CSTPP1: variants seen among roughly 807,000 people sequenced by gnomAD.
CSTPP1 encodes the protein centriolar satellite-associated tubulin polyglutamylase complex regulator 1.
At chr11:46,974,041 A>G in the CSTPP1 span, among the ~76,000 whole-genome samples, 1 of 152,138 alleles carries the variant, frequency 6.6e-6, no homozygotes, top group Non-Finnish European at 1.5e-5. Context: ...CCTGGGCAAC[A>G]TAGCAAGACC....
chr11:47,054,013 T>A, the CSTPP1 span, among the ~76,000 whole-genome samples: 1 of 151,008 alleles, frequency 6.6e-6, no homozygotes. Context: ...TTTTTTTTTT[T>A]AAAGACCCTG....
chr11:46,968,403 T>C, the CSTPP1 span, among the ~76,000 whole-genome samples: 2 of 146,922 alleles, frequency 1.4e-5, no homozygotes, highest in Non-Finnish European at 3.0e-5. Flanking sequence ...TTAAATAATA[T>C]ATTTAATATA....
the CSTPP1 span, among the ~76,000 whole-genome samples, chr11:47,108,791 C>T: frequency 1.3e-5 from 2 of 149,096 alleles, no homozygotes; most frequent in Non-Finnish European, 3.0e-5. Flanking sequence ...ACTGCAACCT[C>T]GGCCTCTTGG....
chr11:47,087,507 T>C, the CSTPP1 span, among the ~76,000 whole-genome samples: 1 of 152,214 alleles, frequency 6.6e-6, no homozygotes. Context: ...GAGGCCATCC[T>C]GACCAATATG....
At chr11:47,162,564 C>A in the CSTPP1 span, among the ~76,000 whole-genome samples, 20 of 152,292 alleles carry the variant, frequency 1.3e-4, no homozygotes, top group African/African-American at 4.8e-4. Context: ...TTGCCAAGCA[C>A]CTGCTTGGGG....
chr11:47,080,427 C>A, the CSTPP1 span, among the ~76,000 whole-genome samples: 15 of 152,274 alleles, frequency 9.9e-5, no homozygotes, highest in African/African-American at 3.6e-4. Context: ...TGCACTCCAG[C>A]CTGGGTGACA....
chr11:47,026,730 T>A, the CSTPP1 span, among the ~76,000 whole-genome samples: 1 of 152,000 alleles, frequency 6.6e-6, no homozygotes, highest in Non-Finnish European at 1.5e-5. Context: ...ATACAAAAAT[T>A]AGCTGGCCAT....
At chr11:47,076,815 T>C in the CSTPP1 span, among the ~76,000 whole-genome samples, 8 of 150,984 alleles carry the variant, frequency 5.3e-5, no homozygotes, top group East Asian at 1.9e-4. Flanking sequence ...GCCTGGGTGA[T>C]GGAGCAAGAC....
At chr11:47,103,098 T>C in the CSTPP1 span, among the ~76,000 whole-genome samples, 64 of 151,318 alleles carry the variant, frequency 4.2e-4, 3 homozygotes, top group African/African-American at 1.5e-3. Context: ...TAAATAGTAA[T>C]GTAAAGTGTA....
chr11:46,943,838 G>C, the CSTPP1 span, among the ~76,000 whole-genome samples: 2 of 151,912 alleles, frequency 1.3e-5, no homozygotes, highest in African/African-American at 4.8e-5. Flanking sequence ...ATGGGACATA[G>C]TGAGACTTCG....
the CSTPP1 span, among the ~76,000 whole-genome samples, chr11:47,100,652 A>G: frequency 6.6e-6 from 1 of 152,170 alleles, no homozygotes; most frequent in African/African-American, 2.4e-5. Context: ...TTAGCCTGGC[A>G]TGGTGGCATA....
the CSTPP1 span, among the ~76,000 whole-genome samples, chr11:47,148,087 G>A: frequency 1.3e-5 from 2 of 152,166 alleles, no homozygotes; most frequent in Non-Finnish European, 2.9e-5. Context: ...TGCAGCACGA[G>A]TGTGCCTCCA....
At chr11:46,949,968 C>T in the CSTPP1 span, among the ~76,000 whole-genome samples, 11 of 151,970 alleles carry the variant, frequency 7.2e-5, no homozygotes, top group Admixed American at 5.2e-4. Flanking sequence ...CCACCGTGCC[C>T]GGCCTGAAAA....
At chr11:47,124,621 T>C in the CSTPP1 span, among the ~76,000 whole-genome samples, 2 of 152,208 alleles carry the variant, frequency 1.3e-5, no homozygotes, top group Admixed American at 1.3e-4. Context: ...CGTGATCATT[T>C]ATTTATACGT....
At chr11:46,970,925 G>A in the CSTPP1 span, among the ~76,000 whole-genome samples, 1 of 152,286 alleles carries the variant, frequency 6.6e-6, no homozygotes, top group Middle Eastern at 3.4e-3. Flanking sequence ...TAGATACTAC[G>A]ATGTAGCCAT....
At chr11:47,091,176 G>C in the CSTPP1 span, among the ~76,000 whole-genome samples, 1 of 151,568 alleles carries the variant, frequency 6.6e-6, no homozygotes, top group African/African-American at 2.4e-5. Context: ...CGGATCAGGA[G>C]GTCAGGAGAT....
At chr11:47,061,451 T>C in the CSTPP1 span, among the ~76,000 whole-genome samples, 1 of 152,356 alleles carries the variant, frequency 6.6e-6, no homozygotes, top group South Asian at 2.1e-4. Context: ...CTTTTTGTAA[T>C]TGCCTTGAAC....
the CSTPP1 span, among the ~76,000 whole-genome samples, chr11:46,993,141 T>C: frequency 2.0e-5 from 3 of 152,226 alleles, no homozygotes; most frequent in Admixed American, 2.0e-4. Context: ...ATAGTAGCCC[T>C]TTGTCAGATG....
the CSTPP1 span, among the ~76,000 whole-genome samples, chr11:46,993,951 G>T: frequency 6.6e-6 from 1 of 151,920 alleles, no homozygotes; most frequent in Non-Finnish European, 1.5e-5. Flanking sequence ...CTTTTATTTC[G>T]TTGAGCAGTG....
Sources: gnomAD v4.1 joint callset for allele counts (sites outside exome capture counted in the v4.1 genomes callset) on GRCh38, gnomAD v4.1.1 for gene constraint, MANE v1.5 for transcripts, NCBI Gene and HGNC (gene_info 2026-07-23, HGNC 2026-07-21) for gene names.